Variants in MTHFD1L observed in about 807,000 individuals in gnomAD.
MTHFD1L encodes monofunctional C1-tetrahydrofolate synthase, mitochondrial.
A neutral mutation model predicts 119.5 loss-of-function variants in MTHFD1L; 81 were observed. That is an observed-to-expected ratio of 0.68 (90% CI 0.57 to 0.82). MTHFD1L has a LOEUF of 0.82. Among genes scored for constraint, MTHFD1L ranks in the 40% least tolerant of loss-of-function variants. The pLI, the probability that MTHFD1L is intolerant of heterozygous loss-of-function variation, is 0.00. For missense variants in MTHFD1L, 1,125 were observed against 1,253.4 expected, an observed-to-expected ratio of 0.90 and a Z score of 1.55; for synonymous variants, 430 against 475.2, an observed-to-expected ratio of 0.90 and a Z score of 1.24.
intron 9 of MTHFD1L, among the ~76,000 whole-genome samples, chr6:150,921,838 T>C (rs943286748): frequency 1.3e-5 from 2 of 152,240 alleles, no homozygotes; most frequent in Non-Finnish European, 2.9e-5. Context: ...TTTAAAAACA[T>C]TCTCAGATTC....
chr6:150,892,330 G>A (rs536543633), intron 7 of MTHFD1L, among the ~76,000 whole-genome samples: 14 of 152,022 alleles, frequency 9.2e-5, no homozygotes, highest in South Asian at 4.2e-4. Flanking sequence ...TTTTTATTAC[G>A]GGAATAAATC....
chr6:151,023,572 A>G (rs915127551), intron 24 of MTHFD1L, among the ~76,000 whole-genome samples: 6 of 151,770 alleles, frequency 4.0e-5, no homozygotes, highest in African/African-American at 1.2e-4. Flanking sequence ...AAAGCATCCC[A>G]CTCATCCCTG....
At chr6:150,989,079 A>G (rs1778719199) in intron 20 of MTHFD1L, among the ~76,000 whole-genome samples, 3 of 152,360 alleles carry the variant, frequency 2.0e-5, no homozygotes, top group East Asian at 1.9e-4. Flanking sequence ...CTTGCTAGCC[A>G]TAGCTGTGAA....
At position 151,041,856 on chromosome 6, in the gene MTHFD1L, A is replaced by G. The variant is rs771960673; in HGVS notation, c.2847+4739A>G. On this transcript the variant is annotated intron_variant, in intron 26 of 27. Transcript: ENST00000367321. ...CCATCCTTAAACAATAAACATCTCCAGCATTGCTGGCTTTGGAAGACCCCA... is the reference window on the plus strand; with the variant it reads ...CCATCCTTAAACAATAAACATCTCCGGCATTGCTGGCTTTGGAAGACCCCA... 5.7e-6 allele frequency: 3 copies of G among 529,914 alleles called. No individual in the cohort carries two copies. In the Admixed American group the frequency reaches 5.9e-5, roughly 10 times the overall value. 32.8% of individuals were successfully genotyped at this position (529,914 alleles called of 1,614,324 possible). A position where few individuals can be genotyped will look rare whatever the true frequency, so the allele number is the denominator to read the frequency against.
At chr6:150,951,283 C>A (rs978458349) in intron 16 of MTHFD1L, among the ~76,000 whole-genome samples, 1 of 151,968 alleles carries the variant, frequency 6.6e-6, no homozygotes, top group Non-Finnish European at 1.5e-5. Flanking sequence ...CTTCCTGCCT[C>A]GGCCTCCCAA....
intron 18 of MTHFD1L, among the ~76,000 whole-genome samples, chr6:150,961,883 A>G (rs1796502407): frequency 6.6e-6 from 1 of 152,200 alleles, no homozygotes; most frequent in South Asian, 2.1e-4. Flanking sequence ...GTCTAAATAC[A>G]TTGCTCTGTA....
intron 26 of MTHFD1L, among the ~76,000 whole-genome samples, chr6:151,071,752 ATG>A (rs1196015463): frequency 6.6e-6 from 1 of 151,858 alleles, no homozygotes; most frequent in East Asian, 1.9e-4. Flanking sequence ...TAAACAGAAA[ATG>A]TGTGTTGCCT....
At chr6:151,024,822 G>T (rs911073704) in intron 24 of MTHFD1L, among the ~76,000 whole-genome samples, 5 of 151,970 alleles carry the variant, frequency 3.3e-5, no homozygotes, top group Admixed American at 1.3e-4. Context: ...TGTTTTTTTT[G>T]TGTGTGTTTG....
chr6:150,871,568 C>A (rs1296685226), intron 1 of MTHFD1L, among the ~76,000 whole-genome samples: 1 of 131,462 alleles, frequency 7.6e-6, no homozygotes, highest in Non-Finnish European at 1.5e-5. Context: ...GTGCTGCGAT[C>A]TCGGCTCGCT....
At chr6:150,937,041 G>A in intron 12 of MTHFD1L, 101 bp downstream of exon 12, 17 of 1,413,006 alleles carry the variant, frequency 1.2e-5, no homozygotes, top group Admixed American at 1.9e-5. Flanking sequence ...ACTTTTCAGG[G>A]GACTTGGTAC....
Position 151,013,947 on chromosome 6 carries a change from T to C in MTHFD1L, c.2307+127T>C, listed in dbSNP as rs930226725. 1.7e-5 allele frequency: 13 copies of C among 769,098 alleles called. No individual in the cohort carries two copies. The African/African-American group carries it at 2.3e-4, about 14-fold the overall frequency. The allele number at this position is 769,098 out of a possible 1,614,324, so 47.6% of individuals were successfully genotyped here. A position where few individuals can be genotyped will look rare whatever the true frequency, so the allele number is the denominator to read the frequency against. ...TGCTGTTCTGTCCGGGCGCAGTGAC[T>C]CACACCTGTAATTTCAGCACTTTGG... On this transcript the variant is annotated intron_variant, in intron 22 of 27. Coordinates refer to ENST00000367321, the MANE Select transcript of MTHFD1L (RefSeq NM_015440.5).
chr6:150,951,997 G>A (rs952304760), intron 16 of MTHFD1L, among the ~76,000 whole-genome samples: 1 of 152,130 alleles, frequency 6.6e-6, no homozygotes, highest in Non-Finnish European at 1.5e-5. Context: ...CAGAAACAGG[G>A]CAATGGCTTA....
intron 26 of MTHFD1L, among the ~76,000 whole-genome samples, chr6:151,049,711 A>G (rs550961693): frequency 1.3e-5 from 2 of 151,802 alleles, no homozygotes; most frequent in Middle Eastern, 3.5e-3. Flanking sequence ...CTTGGGTTCA[A>G]TTAAGTTCCT....
At chr6:151,070,419 T>C (rs892527807) in intron 26 of MTHFD1L, among the ~76,000 whole-genome samples, 1 of 152,376 alleles carries the variant, frequency 6.6e-6, no homozygotes, top group Middle Eastern at 3.4e-3. Context: ...AGTTGCCATC[T>C]GCACTTTACT....
At chr6:150,896,715 CA>C (rs550054777) in intron 7 of MTHFD1L, among the ~76,000 whole-genome samples, 1 of 151,788 alleles carries the variant, frequency 6.6e-6, no homozygotes, top group Non-Finnish European at 1.5e-5. Context: ...TTTAGAGAGC[CA>C]AAAAAACTTT....
At chr6:151,097,910 C>A (rs1168119468) in intron 27 of MTHFD1L, among the ~76,000 whole-genome samples, 1 of 152,146 alleles carries the variant, frequency 6.6e-6, no homozygotes, top group Non-Finnish European at 1.5e-5. Context: ...TGTGGTGGCT[C>A]ATGCTTCTAA....
chr6:151,015,822 C>T, intron 24 of MTHFD1L, 129 bp downstream of exon 24: 2 of 1,152,990 alleles, frequency 1.7e-6, no homozygotes, highest in Non-Finnish European at 2.4e-6. Flanking sequence ...TGCAGTGGCT[C>T]ACGCCTGTAA....
chr6:150,899,970 CA>C (rs970291411), intron 7 of MTHFD1L, among the ~76,000 whole-genome samples: 8 of 141,008 alleles, frequency 5.7e-5, no homozygotes, highest in African/African-American at 1.6e-4. Context: ...GATTCCATCT[CA>C]AAAAAAAATA....
At position 151,068,384 on chromosome 6, in the gene MTHFD1L, C is replaced by T. The variant is rs576312933; in HGVS notation, c.2848-24083C>T. Reference sequence around the variant, plus strand: ...GAGACACCTCAGGATTTTCCAGTATCGTTTTTCACTTTTTGTTCTTGGACA... The same window carrying T: ...GAGACACCTCAGGATTTTCCAGTATTGTTTTTCACTTTTTGTTCTTGGACA... On this transcript the variant is annotated intron_variant, in intron 26 of 27. Coordinates refer to ENST00000367321, the MANE Select transcript of MTHFD1L (RefSeq NM_015440.5). Among the ~76,000 whole-genome samples the T allele has an allele frequency of 5.3e-5, 8 of 152,320 alleles. No individual in the cohort carries two copies. In the East Asian group the frequency reaches 5.8e-4, roughly 11 times the overall value.
Sources: gnomAD v4.1 joint callset for allele counts (sites outside exome capture counted in the v4.1 genomes callset) on GRCh38, gnomAD v4.1.1 for gene constraint, MANE v1.5 for transcripts, NCBI Gene and HGNC (gene_info 2026-07-23, HGNC 2026-07-21) for gene names.